RNF180: variants seen among roughly 807,000 people sequenced by gnomAD.
RNF180 encodes ring finger protein 180.
Under a neutral mutation model 59.2 loss-of-function variants are expected in RNF180, and 38 were observed. That is an observed-to-expected ratio of 0.64 (90% CI 0.50 to 0.84). RNF180 has a LOEUF of 0.84. RNF180 is among the 40% of genes least tolerant of loss of function. The pLI, the probability that RNF180 is intolerant of heterozygous loss-of-function variation, is 0.00. For synonymous variants in RNF180, 262 were observed against 240.3 expected (o/e 1.09, Z -0.84); for missense variants, 705 against 700.9 (o/e 1.01, Z -0.07).
At chr5:64,319,502 A>T (rs1425272565) in intron 5 of RNF180, among the ~76,000 whole-genome samples, 2 of 152,218 alleles carry the variant, frequency 1.3e-5, no homozygotes, top group African/African-American at 2.4e-5. Context: ...GATGAACCTA[A>T]GTCTAAGGTA....
intron 5 of RNF180, among the ~76,000 whole-genome samples, chr5:64,251,985 T>G (rs902715230): frequency 5.3e-5 from 8 of 152,252 alleles, no homozygotes; most frequent in African/African-American, 1.9e-4. Flanking sequence ...GGATTGGATT[T>G]TAAGTGTCCA....
At chr5:64,362,879 T>G (rs1198721863) in intron 7 of RNF180, among the ~76,000 whole-genome samples, 1 of 145,798 alleles carries the variant, frequency 6.9e-6, no homozygotes, top group African/African-American at 2.8e-5. Context: ...GCCATATGTA[T>G]GTCTTCTTTT....
At chr5:64,330,199 A>G in intron 6 of RNF180, 82 bp from the exon 7 acceptor site, 1 of 920,396 alleles carries the variant, frequency 1.1e-6, no homozygotes, top group Non-Finnish European at 1.7e-6. Context: ...TAGTATCAAA[A>G]TACTACAGTA....
chr5:64,206,696 T>C (rs1244836243), intron 2 of RNF180, among the ~76,000 whole-genome samples: 1 of 152,116 alleles, frequency 6.6e-6, no homozygotes, highest in African/African-American at 2.4e-5. Context: ...GGAGATAGGG[T>C]CTTTAGGAGT....
chr5:64,186,046 A>G (rs1464642904), intron 1 of RNF180, among the ~76,000 whole-genome samples: 1 of 152,164 alleles, frequency 6.6e-6, no homozygotes, highest in Non-Finnish European at 1.5e-5. Flanking sequence ...CTGCTAGGAA[A>G]TACCTGCTTT....
At chr5:64,179,784 A>C (rs760525663) in intron 1 of RNF180, among the ~76,000 whole-genome samples, 1 of 152,166 alleles carries the variant, frequency 6.6e-6, no homozygotes, top group Non-Finnish European at 1.5e-5. Flanking sequence ...CCATGGATAG[A>C]CATATTTTAT....
chr5:64,166,764 A>G (rs932991938), intron 1 of RNF180, among the ~76,000 whole-genome samples: 1 of 152,202 alleles, frequency 6.6e-6, no homozygotes. Flanking sequence ...CCCAAGAGGC[A>G]AAGTGATTAT....
At chr5:64,331,199 C>T (rs182743285) in intron 7 of RNF180, among the ~76,000 whole-genome samples, 9 of 152,320 alleles carry the variant, frequency 5.9e-5, no homozygotes, top group Admixed American at 5.2e-4. Context: ...AACCTGCATA[C>T]ACCGCTTGGC....
At chr5:64,221,490 G>A (rs1741333932) in intron 5 of RNF180, among the ~76,000 whole-genome samples, 1 of 152,058 alleles carries the variant, frequency 6.6e-6, no homozygotes, top group African/African-American at 2.4e-5. Flanking sequence ...TCTGTTTTAT[G>A]AATGTAAAAA....
intron 7 of RNF180, among the ~76,000 whole-genome samples, chr5:64,357,474 A>G (rs557957854): frequency 1.1e-3 from 165 of 151,972 alleles, no homozygotes; most frequent in Non-Finnish European, 1.8e-3. Flanking sequence ...ATTAGCCTCT[A>G]AAGAACCTGC....
chr5:64,235,368 A>G (rs930620095), intron 5 of RNF180, among the ~76,000 whole-genome samples: 6 of 152,224 alleles, frequency 3.9e-5, no homozygotes, highest in Admixed American at 1.3e-4. Context: ...AAAGAATTGC[A>G]AGAAAACATA....
At chr5:64,369,043 A>G (rs1462384943) in intron 7 of RNF180, among the ~76,000 whole-genome samples, 1 of 152,110 alleles carries the variant, frequency 6.6e-6, no homozygotes. Flanking sequence ...CACAATAGCA[A>G]AGACTTGGAA....
At chr5:64,262,737 G>GA (rs1032487698) in intron 5 of RNF180, among the ~76,000 whole-genome samples, 6 of 152,064 alleles carry the variant, frequency 3.9e-5, no homozygotes, top group Non-Finnish European at 8.8e-5. Context: ...TTCTCATGTA[G>GA]AAAATTCATT....
chr5:64,205,869 A>G (rs534943626), intron 2 of RNF180, among the ~76,000 whole-genome samples: 1 of 152,268 alleles, frequency 6.6e-6, no homozygotes, highest in East Asian at 1.9e-4. Flanking sequence ...CACTTACAGG[A>G]TAGACAGAAA....
At chr5:64,290,181 A>G (rs781569697) in intron 5 of RNF180, among the ~76,000 whole-genome samples, 82 of 152,162 alleles carry the variant, frequency 5.4e-4, no homozygotes, top group Admixed American at 1.4e-3. Context: ...GTTTCCATGT[A>G]ATTGTGTGGT....
At chr5:64,195,576 A>G (rs1751414965) in intron 1 of RNF180, among the ~76,000 whole-genome samples, 1 of 152,196 alleles carries the variant, frequency 6.6e-6, no homozygotes, top group Non-Finnish European at 1.5e-5. Context: ...TAATGAAACC[A>G]ATTTTACCAT....
intron 5 of RNF180, among the ~76,000 whole-genome samples, chr5:64,274,622 A>G (rs1741610944): frequency 6.6e-6 from 1 of 151,974 alleles, no homozygotes; most frequent in Non-Finnish European, 1.5e-5. Flanking sequence ...TTCTCTGTTC[A>G]GGGTTTCCAA....
At chr5:64,281,523 G>A (rs1742009841) in intron 5 of RNF180, among the ~76,000 whole-genome samples, 1 of 151,928 alleles carries the variant, frequency 6.6e-6, no homozygotes, top group Non-Finnish European at 1.5e-5. Context: ...TTTTGAGATG[G>A]AGTCTTGTTC....
chr5:64,181,219 C>G (rs1047395594), intron 1 of RNF180, among the ~76,000 whole-genome samples: 1 of 152,142 alleles, frequency 6.6e-6, no homozygotes, highest in Non-Finnish European at 1.5e-5. Flanking sequence ...CTGTCTTTCC[C>G]GGTCCACTGA....
Sources: allele counts gnomAD v4.1 joint callset (sites outside exome capture counted in the v4.1 genomes callset), GRCh38; gene constraint gnomAD v4.1.1; transcripts MANE v1.5; gene names NCBI Gene and HGNC (gene_info 2026-07-23, HGNC 2026-07-21).